PFKFB2: variants seen among roughly 807,000 people sequenced by gnomAD.
PFKFB2 encodes 6-phosphofructo-2-kinase/fructose-2,6-biphosphatase 2.
PFKFB2 carries 53 observed loss-of-function variants against 68.0 expected under a neutral mutation model. That is an observed-to-expected ratio of 0.78 (90% CI 0.63 to 0.98). The LOEUF (loss-of-function observed/expected upper bound fraction) is 0.98. Among genes scored for constraint, PFKFB2 ranks in the 50% least tolerant of loss-of-function variants. The pLI is 0.00. For synonymous variants in PFKFB2, 222 were observed against 227.6 expected, an observed-to-expected ratio of 0.98 and a Z score of 0.22; for missense variants, 451 against 642.0, an observed-to-expected ratio of 0.70 and a Z score of 3.22.
intron 9 of PFKFB2, 55 bp from the exon 10 acceptor site, chr1:207,068,108 G>GTGTGTGTGTA: frequency 1.4e-6 from 2 of 1,434,730 alleles, no homozygotes; most frequent in South Asian, 1.3e-5. Context: ...GTGTGTGTGT[G>GTGTGTGTGTA]TGTGTGTGTC....
At position 207,071,585 on chromosome 1, in the gene PFKFB2, C is replaced by T. The variant is rs779115076; in HGVS notation, c.1350+12C>T. ...GTGACAAGCCAACTGTAAGTATTTT[C>T]CCACGATGAACACACCAGTTTCCCT... On this transcript the variant is annotated intron_variant, in intron 14 of 14. Transcript: ENST00000367080. 1.9e-6 allele frequency: 3 copies of T among 1,604,800 alleles called. No individual in the cohort carries two copies. The Admixed American group carries it at 5.0e-5, about 27-fold the overall frequency.
Position 207,076,098 on chromosome 1 carries a change from A to AT in PFKFB2, c.*3730dup, listed in dbSNP as rs1683614559. The AT allele has an allele frequency of 1.0e-6, 1 of 985,226 alleles. No homozygotes were observed. The highest frequency in any genetic ancestry group is 4.7e-5 in the South Asian group (1 of 21,288). The allele number at this position is 985,226 out of a possible 1,614,324, so 61.0% of individuals were successfully genotyped here. ...GAAGTTGGAGTTAAGGACACAATAT[A>AT]TTTGTACCCCTAGACTGAATGGGTG... On this transcript the variant is annotated 3_prime_UTR_variant, in exon 15 of 15. Transcript: ENST00000367080.
chr1:207,061,961 T>A lies in PFKFB2; in HGVS notation c.94T>A (p.Ser32Thr). 1.2e-6 allele frequency: 2 copies of A among 1,614,010 alleles called. No homozygotes were observed. Among genetic ancestry groups the A allele is most frequent in the Non-Finnish European group, 1.7e-6 (2 of 1,179,858 alleles). Residue 32 changes from serine (S) to threonine (T), a missense_variant, in exon 3 of 15, where the codon TCC becomes ACC. Physicochemically the swap from Ser to Thr is moderately conservative, Grantham distance 58. Coordinates refer to ENST00000367080, the MANE Select transcript of PFKFB2 (RefSeq NM_006212.2). ...RMSEKKCSWA[S>T]YMTNSPTLIV... Reference sequence around the variant, plus strand: ...GTTTCATTTCCTTCTAGCATGGGCCTCCTACATGACCAACTCCCCGACTCT... The same window carrying A: ...GTTTCATTTCCTTCTAGCATGGGCCACCTACATGACCAACTCCCCGACTCT...
At chr1:207,044,952 C>T (rs555046852) in intron 2 of PFKFB2, 1 of 152,424 alleles carries the variant, frequency 6.6e-6, no homozygotes, top group Admixed American at 6.5e-5. Flanking sequence ...AAGCAAAATG[C>T]TAGATAATTT....
chr1:207,049,416 G>C (rs1331495795), upstream of PFKFB2: 2 of 1,614,128 alleles, frequency 1.2e-6, no homozygotes, highest in Non-Finnish European at 8.5e-7. Flanking sequence ...CTCCCCAAGT[G>C]TCATCCCTTT....
At chr1:207,051,461 G>C (rs1193748523), upstream of PFKFB2, among the ~76,000 whole-genome samples, 2 of 152,204 alleles carry the variant, frequency 1.3e-5, no homozygotes, top group African/African-American at 4.8e-5. Context: ...GACTAGACTC[G>C]TGGCTGCATT....
chr1:207,052,393 G>A (rs1682775589), upstream of PFKFB2: 11 of 598,134 alleles, frequency 1.8e-5, no homozygotes, highest in South Asian at 2.1e-4. Flanking sequence ...CGGGCGCAGT[G>A]GCTCACACCT....
At chr1:207,066,810 C>T (rs1356527893) in intron 8 of PFKFB2, among the ~76,000 whole-genome samples, 3 of 152,158 alleles carry the variant, frequency 2.0e-5, no homozygotes, top group Non-Finnish European at 2.9e-5. Flanking sequence ...CCCGCCACCA[C>T]GCCCGGCTAA....
At chr1:207,068,914 T>G (rs1443629370) in intron 10 of PFKFB2, among the ~76,000 whole-genome samples, 1 of 151,986 alleles carries the variant, frequency 6.6e-6, no homozygotes, top group South Asian at 2.1e-4. Context: ...GCCTGGCTAA[T>G]TTTTGTAGTT....
upstream of PFKFB2, chr1:207,052,852 T>G (rs1682791122): frequency 6.6e-6 from 1 of 152,340 alleles, no homozygotes. Context: ...CAAAAACATC[T>G]TTAAAGCTTA....
chr1:207,077,459 T>C lies in PFKFB2; in HGVS notation c.*5088T>C. 1.0e-6 allele frequency: 1 copy of C among 985,350 alleles called. No individual in the cohort carries two copies. The highest frequency in any genetic ancestry group is 1.2e-6 in the Non-Finnish European group (1 of 829,794). 61.0% of individuals were successfully genotyped at this position (985,350 alleles called of 1,614,324 possible). A position where few individuals can be genotyped will look rare whatever the true frequency, so the allele number is the denominator to read the frequency against. ...ATGTACGTTTTTTATTATATTGACC[T>C]AACAAGAAGATCAACTTATGCTGGT... On this transcript the variant is annotated 3_prime_UTR_variant, in exon 15 of 15. Transcript: ENST00000367080.
In PFKFB2 at chr1:207,062,713, G is replaced by A. The variant is rs1407010150; in HGVS notation, c.305G>A (p.Arg102His). ...RHDNEEAMKI[R>H]KQCALVALED... Reference sequence around the variant, plus strand: ...GACAATGAGGAGGCCATGAAGATCCGCAAGTGAGTCTTGTTTAAGGCCTGA... The same window carrying A: ...GACAATGAGGAGGCCATGAAGATCCACAAGTGAGTCTTGTTTAAGGCCTGA... The change falls in exon 4 of 15, where the codon CGC becomes CAC. Residue 102 changes from arginine (R) to histidine (H), a missense_variant. Transcript: ENST00000367080. The A allele has an allele frequency of 3.7e-6, 6 of 1,613,480 alleles. No homozygotes were observed. Among genetic ancestry groups the A allele is most frequent in the Non-Finnish European group, 5.1e-6 (6 of 1,179,628 alleles).
rs187015867 is a variant in PFKFB2, at chr1:207,041,173, C to A, written c.-61-996C>A. Among the ~76,000 whole-genome samples, 69 of 152,016 alleles carry A rather than the reference C, an allele frequency of 4.5e-4. No individual in the cohort carries two copies. In the East Asian group the frequency reaches 9.3e-3, roughly 20 times the overall value. On this transcript the variant is annotated intron_variant, in intron 1 of 5. Coordinates refer to the PFKFB2 transcript ENST00000545806. ...CGATCTCCTGACCTCGTGATCTGCC[C>A]TGCCTCGGCCTCCCAAAAAGCTGGG...
At chr1:207,064,824 C>T (rs1307658511) in intron 7 of PFKFB2, among the ~76,000 whole-genome samples, 1 of 142,136 alleles carries the variant, frequency 7.0e-6, no homozygotes, top group African/African-American at 2.6e-5. Flanking sequence ...AGTGCAGGCA[C>T]ATGACTCCCC....
chr1:207,079,358 G>A (rs1683708030), downstream of PFKFB2: 2 of 323,620 alleles, frequency 6.2e-6, no homozygotes, highest in Admixed American at 9.1e-5. Context: ...TCCTTTGCTG[G>A]CTCTTTTTTG....
downstream of PFKFB2, chr1:207,079,333 C>A: frequency 5.0e-6 from 2 of 403,144 alleles, no homozygotes; most frequent in South Asian, 3.1e-5. Flanking sequence ...AACATCCTAC[C>A]TGTGACTGTC....
At chr1:207,069,802 C>T (rs60532078) in intron 11 of PFKFB2, among the ~76,000 whole-genome samples, 137 of 152,154 alleles carry the variant, frequency 9.0e-4, no homozygotes, top group African/African-American at 3.2e-3. Flanking sequence ...TCTCTCAATC[C>T]CACCCCCACA....
intron 1 of PFKFB2, among the ~76,000 whole-genome samples, chr1:207,035,556 G>A (rs923922270): frequency 2.0e-5 from 3 of 152,142 alleles, no homozygotes; most frequent in South Asian, 2.1e-4. Flanking sequence ...CGTGGGGTGA[G>A]GCGAAAGGAT....
Position 207,076,145 on chromosome 1 carries a change from G to C in PFKFB2, c.*3774G>C, listed in dbSNP as rs1294022832. 5.1e-6 allele frequency: 5 copies of C among 985,092 alleles called. No individual in the cohort carries two copies. The highest frequency in any genetic ancestry group is 6.0e-6 in the Non-Finnish European group (5 of 829,760). The allele number at this position is 985,092 out of a possible 1,614,324, so 61.0% of individuals were successfully genotyped here. A position where few individuals can be genotyped will look rare whatever the true frequency, so the allele number is the denominator to read the frequency against. On this transcript the variant is annotated 3_prime_UTR_variant, in exon 15 of 15. Coordinates refer to ENST00000367080, the MANE Select transcript of PFKFB2 (RefSeq NM_006212.2). ...GGTGAGTATTCCATATGAGGATCTG[G>C]GTAATCCTCTTTGCAACCCACATTT...
Sources: gnomAD v4.1 joint callset for allele counts (sites outside exome capture counted in the v4.1 genomes callset) on GRCh38, gnomAD v4.1.1 for gene constraint, MANE v1.5 for transcripts, NCBI Gene and HGNC (gene_info 2026-07-23, HGNC 2026-07-21) for gene names.